IFT140: variants seen among roughly 807,000 people sequenced by gnomAD.
The protein encoded by IFT140 is intraflagellar transport protein 140 homolog.
In IFT140, 133 loss-of-function variants were observed where a neutral mutation model predicts 164.6. That is an observed-to-expected ratio of 0.81 (90% CI 0.70 to 0.93). The LOEUF is 0.93. Ranked by LOEUF, IFT140 falls within the 40% of genes least tolerant of loss-of-function variation. IFT140 has a pLI of 0.00. For synonymous variants in IFT140, 860 were observed against 817.3 expected (o/e 1.05, Z -0.89); for missense variants, 2,045 against 1,972.3 (o/e 1.04, Z -0.70).
At chr16:1,606,117 G>C (rs2036047541) in intron 3 of IFT140, among the ~76,000 whole-genome samples, 1 of 152,206 alleles carries the variant, frequency 6.6e-6, no homozygotes, top group Non-Finnish European at 1.5e-5. Flanking sequence ...AGCGGGCCCT[G>C]CTGACACCTG....
chr16:1,539,201 C>G (rs1167536393), intron 19 of IFT140, among the ~76,000 whole-genome samples: 14 of 148,374 alleles, frequency 9.4e-5, no homozygotes, highest in Admixed American at 4.0e-4. Context: ...CCTCACCAAG[C>G]CACACGGTGC....
intron 19 of IFT140, among the ~76,000 whole-genome samples, chr16:1,528,035 T>G (rs1202794829): frequency 6.6e-6 from 1 of 152,152 alleles, no homozygotes; most frequent in Admixed American, 6.5e-5. Context: ...TGTGTCCGCA[T>G]GTGTGTGGGG....
At chr16:1,528,365 A>G (rs962367124) in intron 19 of IFT140, among the ~76,000 whole-genome samples, 5 of 151,244 alleles carry the variant, frequency 3.3e-5, no homozygotes, top group Admixed American at 2.0e-4. Context: ...ACGTGTGCAC[A>G]CACACGCATG....
intron 15 of IFT140, 92 bp downstream of exon 15, chr16:1,568,125 A>G (rs1018990104): frequency 4.0e-5 from 34 of 842,096 alleles, no homozygotes; most frequent in Non-Finnish European, 6.0e-5. Context: ...AGACTTGCAC[A>G]GGAGGAGAGA....
chr16:1,553,296 C>G lies in IFT140; in HGVS notation c.2399+4639G>C. ...TCTGTCTCTCTGTGTCTCTGCCTGT[C>G]TCTCTGTGTCTCTGTCTCTGTGTCT... On this transcript the variant is annotated intron_variant, in intron 19 of 30. Transcript: ENST00000426508. This position sits in a 1 kb window ranked among gnomAD's most constrained non-coding sequence, Gnocchi z 4.4. 1 of 983,564 alleles carries G rather than the reference C, an allele frequency of 1.0e-6. No homozygotes were observed. Among genetic ancestry groups the G allele is most frequent in the Non-Finnish European group, 1.2e-6 (1 of 828,352 alleles). 60.9% of individuals were successfully genotyped at this position (983,564 alleles called of 1,614,324 possible). A position where few individuals can be genotyped will look rare whatever the true frequency, so the allele number is the denominator to read the frequency against.
intron 3 of IFT140, among the ~76,000 whole-genome samples, chr16:1,605,549 G>A (rs1373605170): frequency 6.6e-6 from 1 of 152,108 alleles, no homozygotes; most frequent in African/African-American, 2.4e-5. Flanking sequence ...GGGACTACAG[G>A]TGCCCGCCAC....
intron 19 of IFT140, among the ~76,000 whole-genome samples, chr16:1,547,202 A>C (rs898812221): frequency 3.9e-5 from 6 of 152,218 alleles, no homozygotes; most frequent in Non-Finnish European, 8.8e-5. Flanking sequence ...CATATAACCC[A>C]AAATTCCCTG....
Position 1,553,433 on chromosome 16 carries a change from C to T in IFT140, c.2399+4502G>A. 1.0e-6 allele frequency: 1 copy of T among 985,360 alleles called. No homozygotes were observed. Among genetic ancestry groups the T allele is most frequent in the Non-Finnish European group, 1.2e-6 (1 of 829,916 alleles). 61.0% of individuals were successfully genotyped at this position (985,360 alleles called of 1,614,324 possible). A position where few individuals can be genotyped will look rare whatever the true frequency, so the allele number is the denominator to read the frequency against. ...GGGGAGGCGGTTGGGAGTGGAGAGA[C>T]CGGCATGAACAGACGCACAGGTGTC... On this transcript the variant is annotated intron_variant, in intron 19 of 30. Transcript: ENST00000426508. This position sits in a 1 kb window ranked among gnomAD's most constrained non-coding sequence, Gnocchi z 4.4.
Position 1,583,301 on chromosome 16 carries a change from G to T in IFT140, c.1432+13C>A. The stretch of plus-strand genomic sequence containing the variant: ...GTAGTGGGAGTGCCTCTGTCCGGGT[G>T]AAAAGAACCCACCTGCACTCCGTAT... On this transcript the variant is annotated intron_variant, in intron 12 of 30. Coordinates refer to ENST00000426508, the MANE Select transcript of IFT140 (RefSeq NM_014714.4). 1 of 1,612,926 alleles carries T rather than the reference G, an allele frequency of 6.2e-7. No homozygotes were observed. Among genetic ancestry groups the T allele is most frequent in the Non-Finnish European group, 8.5e-7 (1 of 1,178,946 alleles).
intron 3 of IFT140, among the ~76,000 whole-genome samples, chr16:1,603,666 A>G (rs2035906373): frequency 6.6e-6 from 1 of 152,144 alleles, no homozygotes; most frequent in Non-Finnish European, 1.5e-5. Flanking sequence ...TATTTTTAGT[A>G]GAGACAGTGT....
At chr16:1,585,808 T>C (rs986945968) in intron 10 of IFT140, among the ~76,000 whole-genome samples, 1 of 149,058 alleles carries the variant, frequency 6.7e-6, no homozygotes, top group Non-Finnish European at 1.5e-5. Flanking sequence ...TCTCACTCTG[T>C]CTCCCAGGCT....
chr16:1,553,673 G>A lies in IFT140; in HGVS notation c.2399+4262C>T. 5.6e-6 allele frequency: 6 copies of A among 1,072,698 alleles called. No individual in the cohort carries two copies. The highest frequency in any genetic ancestry group is 6.8e-6 in the Non-Finnish European group (6 of 878,908). The allele number at this position is 1,072,698 out of a possible 1,614,324, so 66.4% of individuals were successfully genotyped here. ...GGGGTGCTGGGTGGGCAGAAGCGGGGCTGGGGCTGAAGGCTGGCTGGAGGC... is the reference window on the plus strand; with the variant it reads ...GGGGTGCTGGGTGGGCAGAAGCGGGACTGGGGCTGAAGGCTGGCTGGAGGC... On this transcript the variant is annotated intron_variant, in intron 19 of 30. Transcript: ENST00000426508. The surrounding 1 kb of genome is among the most constrained non-coding windows in gnomAD (Gnocchi z 4.4).
chr16:1,584,110 C>A, intron 11 of IFT140, 107 bp downstream of exon 11: 1 of 822,196 alleles, frequency 1.2e-6, no homozygotes, highest in South Asian at 1.6e-5. Context: ...TAGGATGGAA[C>A]TGAGAGTGGC....
chr16:1,596,874 AG>A (rs142777571), intron 4 of IFT140, among the ~76,000 whole-genome samples: 3,470 of 152,086 alleles, frequency 0.023, 143 homozygotes, highest in African/African-American at 0.079. Flanking sequence ...ACCACTCCTG[AG>A]GGGTGTCTCT....
At chr16:1,571,046 C>G (rs1344470536) in intron 14 of IFT140, among the ~76,000 whole-genome samples, 1 of 152,192 alleles carries the variant, frequency 6.6e-6, no homozygotes, top group African/African-American at 2.4e-5. Flanking sequence ...TGTGAGCTAC[C>G]CTGCCCAGCC....
intron 19 of IFT140, among the ~76,000 whole-genome samples, chr16:1,556,355 C>T (rs768864471): frequency 3.3e-5 from 5 of 152,366 alleles, no homozygotes; most frequent in Admixed American, 1.3e-4. Flanking sequence ...CTACAACCAG[C>T]GCTGCAACCA....
chr16:1,553,583 CAG>C lies in IFT140; in HGVS notation c.2399+4350_2399+4351del, dbSNP rs1177844986. On this transcript the variant is annotated intron_variant, in intron 19 of 30. Transcript: ENST00000426508. The surrounding 1 kb of genome is among the most constrained non-coding windows in gnomAD (Gnocchi z 4.4). ...GTTTAATCTGGACCAGTGTAAGTTA[CAG>C]AGAGTCTCTGGCACTTTGGGTACAA... is the stretch of plus-strand genomic sequence containing the variant. The C allele has an allele frequency of 1.9e-5, 19 of 1,023,398 alleles. No homozygotes were observed. Among genetic ancestry groups the C allele is most frequent in the East Asian group, 8.4e-5 (1 of 11,888 alleles). The allele number at this position is 1,023,398 out of a possible 1,614,324, so 63.4% of individuals were successfully genotyped here. A position where few individuals can be genotyped will look rare whatever the true frequency, so the allele number is the denominator to read the frequency against.
chr16:1,558,146 A>C lies in IFT140; in HGVS notation c.2200-12T>G. The C allele has an allele frequency of 6.2e-7, 1 of 1,613,906 alleles. No homozygotes were observed. The highest frequency in any genetic ancestry group is 1.1e-5 in the South Asian group (1 of 91,074). On this transcript the variant is annotated splice_polypyrimidine_tract_variant and intron_variant, in intron 18 of 30. Transcript: ENST00000426508. ...TCTGCTTCTTCGGGCTAAATGACAAAGGACCCATGTGTTTGTTAATTCATA... is the reference window on the plus strand; with the variant it reads ...TCTGCTTCTTCGGGCTAAATGACAACGGACCCATGTGTTTGTTAATTCATA...
In IFT140 at chr16:1,519,885, G is replaced by A. The variant is rs556735183; in HGVS notation, c.4036C>T (p.Arg1346Cys). 4.2e-5 allele frequency: 65 copies of A among 1,539,074 alleles called. No individual in the cohort carries two copies. Among genetic ancestry groups the A allele is most frequent in the South Asian group, 2.9e-4 (23 of 79,364 alleles). Reference sequence around the variant, plus strand: ...CCGCTGGCCCCGGGGGCACACCTGCGGGCCTGGATGAACCTCTTCACCAGT... The same window carrying A: ...CCGCTGGCCCCGGGGGCACACCTGCAGGCCTGGATGAACCTCTTCACCAGT... The part of the protein sequence containing the change: ...MALVKRFIQA[R>C]RTYTEDPKES... Residue 1346 changes from arginine (R) to cysteine (C), a missense_variant, in exon 29 of 31, where the codon CGC (arginine) becomes TGC (cysteine). Transcript: ENST00000426508.
Sources: allele counts gnomAD v4.1 joint callset (sites outside exome capture counted in the v4.1 genomes callset), GRCh38; gene constraint gnomAD v4.1.1; non-coding constraint Gnocchi (gnomAD v3.1); transcripts MANE v1.5; gene names NCBI Gene and HGNC (gene_info 2026-07-23, HGNC 2026-07-21).